The following NPSR1 variants were observed in gnomAD, a reference collection of about 807,000 sequenced individuals.
NPSR1 encodes the protein neuropeptide S receptor 1.
In NPSR1, 48 loss-of-function variants were observed where a neutral mutation model predicts 46.9. The observed-to-expected ratio is 1.02, with a 90% CI of 0.81 to 1.30. NPSR1 has a LOEUF of 1.30. Among genes scored for constraint, NPSR1 ranks in the 50% most tolerant of loss-of-function variants. NPSR1 has a pLI of 0.00. For missense variants in NPSR1, 450 were observed against 449.5 expected (o/e 1.00, Z -0.01); for synonymous variants, 176 against 168.1 (o/e 1.05, Z -0.36).
At chr7:34,825,191 G>A (rs1201273964) in intron 4 of NPSR1, among the ~76,000 whole-genome samples, 3 of 152,060 alleles carry the variant, frequency 2.0e-5, no homozygotes, top group South Asian at 2.1e-4. Context: ...TATTGCATAC[G>A]CATGCCCTCT....
intron 2 of NPSR1, 49 bp downstream of exon 2, chr7:34,684,733 A>C: frequency 6.9e-7 from 1 of 1,441,384 alleles, no homozygotes. Flanking sequence ...TGAAGTCCCT[A>C]TGGCTTCCTG....
chr7:34,750,120 G>C (rs1257078293), intron 2 of NPSR1: 1 of 279,342 alleles, frequency 3.6e-6, no homozygotes, highest in East Asian at 9.2e-5. Context: ...TTTAAAGATC[G>C]TGTATGTATT....
chr7:34,826,587 T>G (rs1789851932), intron 4 of NPSR1, among the ~76,000 whole-genome samples: 1 of 152,132 alleles, frequency 6.6e-6, no homozygotes, highest in South Asian at 2.1e-4. Flanking sequence ...AACAACAGCT[T>G]GACAGAAAGC....
chr7:34,750,497 G>A, intron 2 of NPSR1: 1 of 717,532 alleles, frequency 1.4e-6, no homozygotes, highest in East Asian at 2.6e-5. Context: ...ACAAACAGTG[G>A]ATGGTTTCTT....
chr7:34,703,772 C>T (rs1211457234), intron 2 of NPSR1: 1 of 152,528 alleles, frequency 6.6e-6, no homozygotes, highest in South Asian at 2.1e-4. Context: ...ATTTAATAAC[C>T]GTTTATATTT....
chr7:34,819,593 C>T (rs1442954913), intron 4 of NPSR1, among the ~76,000 whole-genome samples: 5 of 152,194 alleles, frequency 3.3e-5, no homozygotes, highest in African/African-American at 1.2e-4. Context: ...ATAAATCATG[C>T]TACTATAAAG....
chr7:34,658,542 T>A lies in NPSR1; in HGVS notation c.130T>A (p.Phe44Ile). 6.2e-7 allele frequency: 1 copy of A among 1,614,140 alleles called. No individual in the cohort carries two copies. Among genetic ancestry groups the A allele is most frequent in the Non-Finnish European group, 8.5e-7 (1 of 1,179,964 alleles). Residue 44 changes from phenylalanine (F) to isoleucine (I), a missense_variant, in exon 1 of 9, where the codon TTC becomes ATC. Coordinates refer to ENST00000360581, the MANE Select transcript of NPSR1 (RefSeq NM_207172.2). ...GGTGGAAGGAAAGGAATGGGGTTCC[T>A]TCTACTACTCCTTTAAGGTAAGTTT... ...EVVEGKEWGS[F>I]YYSFKTEQLI...
intron 2 of NPSR1, among the ~76,000 whole-genome samples, chr7:34,733,614 C>T (rs1005706819): frequency 1.3e-5 from 2 of 152,008 alleles, no homozygotes; most frequent in Admixed American, 1.3e-4. Context: ...TAAATGTGGA[C>T]TCAATAGGAA....
chr7:34,858,393 T>TA (rs947754778), intron 8 of NPSR1, among the ~76,000 whole-genome samples: 1 of 151,478 alleles, frequency 6.6e-6, no homozygotes, highest in Admixed American at 6.6e-5. Context: ...TGCAGCAACA[T>TA]AAAAAAACTT....
intron 6 of NPSR1, among the ~76,000 whole-genome samples, chr7:34,836,117 A>G (rs764269): frequency 0.27 from 41,749 of 151,982 alleles, 6,156 homozygotes; most frequent in South Asian, 0.41. Context: ...GGCTAATTCC[A>G]GCCCCCATGC....
At chr7:34,777,501 A>G (rs1294547103) in intron 2 of NPSR1, among the ~76,000 whole-genome samples, 2 of 140,988 alleles carry the variant, frequency 1.4e-5, no homozygotes, top group Non-Finnish European at 3.1e-5. Context: ...TTTTTTTTCT[A>G]CTTCTTCAGT....
At chr7:34,676,547 T>C (rs577228851) in intron 1 of NPSR1, among the ~76,000 whole-genome samples, 1 of 152,272 alleles carries the variant, frequency 6.6e-6, no homozygotes, top group South Asian at 2.1e-4. Context: ...GAGGGGGACA[T>C]GCACGCATAA....
chr7:34,792,693 A>ATATATATT (rs1787970121), intron 3 of NPSR1, among the ~76,000 whole-genome samples: 2 of 110,722 alleles, frequency 1.8e-5, no homozygotes, highest in Non-Finnish European at 3.7e-5. Context: ...ATATATGTAT[A>ATATATATT]TATATACGTA....
intron 2 of NPSR1, among the ~76,000 whole-genome samples, chr7:34,734,362 T>C (rs1440728589): frequency 6.6e-6 from 1 of 152,182 alleles, no homozygotes; most frequent in East Asian, 1.9e-4. Context: ...TGTGGATACA[T>C]TCAAAAAGCT....
At chr7:34,743,896 A>T (rs1188251232) in intron 2 of NPSR1, among the ~76,000 whole-genome samples, 1 of 152,154 alleles carries the variant, frequency 6.6e-6, no homozygotes, top group Non-Finnish European at 1.5e-5. Flanking sequence ...ATGAAATGAC[A>T]TATGGTCTAA....
At chr7:34,695,446 A>T (rs906341807) in intron 2 of NPSR1, among the ~76,000 whole-genome samples, 3 of 152,218 alleles carry the variant, frequency 2.0e-5, no homozygotes, top group African/African-American at 7.2e-5. Flanking sequence ...GAACAGAAAC[A>T]AAAATAGGCA....
chr7:34,739,100 C>T (rs940578381), intron 2 of NPSR1, among the ~76,000 whole-genome samples: 2 of 152,080 alleles, frequency 1.3e-5, no homozygotes, highest in African/African-American at 2.4e-5. Context: ...AAAAATAATA[C>T]TCCATTATTA....
At chr7:34,782,763 C>T (rs1252591198) in intron 3 of NPSR1, among the ~76,000 whole-genome samples, 2 of 151,970 alleles carry the variant, frequency 1.3e-5, no homozygotes, top group Admixed American at 6.6e-5. Flanking sequence ...CAAAAGAACA[C>T]AGTAATTTTA....
chr7:34,796,661 T>C (rs1788186170), intron 3 of NPSR1, among the ~76,000 whole-genome samples: 1 of 152,152 alleles, frequency 6.6e-6, no homozygotes, highest in South Asian at 2.1e-4. Context: ...ATAATCAAAA[T>C]CTAAAACATT....
Sources: gnomAD v4.1 joint callset for allele counts (sites outside exome capture counted in the v4.1 genomes callset) on GRCh38, gnomAD v4.1.1 for gene constraint, MANE v1.5 for transcripts, NCBI Gene and HGNC (gene_info 2026-07-23, HGNC 2026-07-21) for gene names.